RPS6KC1: variants seen among roughly 807,000 people sequenced by gnomAD.
The protein encoded by RPS6KC1 is inactive ribosomal protein S6 kinase delta-1.
Under a neutral mutation model 103.8 loss-of-function variants are expected in RPS6KC1, and 54 were observed. The ratio of observed to expected loss-of-function variants is 0.52; its 90% CI spans 0.42 to 0.65. The LOEUF (loss-of-function observed/expected upper bound fraction) is 0.65, where lower values mean the gene tolerates loss of function less well. Ranked by LOEUF, RPS6KC1 falls within the 30% of genes least tolerant of loss-of-function variation. The pLI is 0.00. For synonymous variants in RPS6KC1, 439 were observed against 438.7 expected, an observed-to-expected ratio of 1.00 and a Z score of -0.01; for missense variants, 1,151 against 1,253.8, an observed-to-expected ratio of 0.92 and a Z score of 1.24.
the RPS6KC1 span, among the ~76,000 whole-genome samples, chr1:213,496,936 G>A: frequency 6.6e-6 from 1 of 152,086 alleles, no homozygotes; most frequent in East Asian, 1.9e-4. Flanking sequence ...ACAAATCAGG[G>A]CTTTTCAATT....
intron 10 of RPS6KC1, among the ~76,000 whole-genome samples, chr1:213,237,137 A>T (rs1365543688): frequency 6.6e-6 from 1 of 152,076 alleles, no homozygotes. Context: ...CCATCTCAAA[A>T]GTGTACCTTG....
chr1:213,284,055 A>G, the RPS6KC1 span, among the ~76,000 whole-genome samples: 1 of 152,232 alleles, frequency 6.6e-6, no homozygotes, highest in Non-Finnish European at 1.5e-5. Context: ...ATGTGTTCAC[A>G]AAACAGAGTA....
the RPS6KC1 span, among the ~76,000 whole-genome samples, chr1:213,446,352 A>G: frequency 1.3e-5 from 2 of 152,158 alleles, no homozygotes; most frequent in Non-Finnish European, 2.9e-5. Flanking sequence ...TGGATGATAC[A>G]TGGGATTTGA....
intron 12 of RPS6KC1, among the ~76,000 whole-genome samples, chr1:213,257,640 A>G (rs2094679769): frequency 6.6e-6 from 1 of 152,142 alleles, no homozygotes; most frequent in Non-Finnish European, 1.5e-5. Flanking sequence ...GGTAGCTGCT[A>G]TTTTATTATT....
the RPS6KC1 span, among the ~76,000 whole-genome samples, chr1:213,358,472 T>G: frequency 7.2e-5 from 11 of 152,362 alleles, no homozygotes; most frequent in African/African-American, 2.6e-4. Context: ...GTGGGATCAG[T>G]GGTGATATCC....
intron 6 of RPS6KC1, among the ~76,000 whole-genome samples, chr1:213,143,967 T>G (rs1013889472): frequency 2.6e-5 from 4 of 152,082 alleles, no homozygotes; most frequent in Admixed American, 2.0e-4. Context: ...GCTCTGACCA[T>G]TCTTTCATAG....
the RPS6KC1 span, among the ~76,000 whole-genome samples, chr1:213,533,996 T>C: frequency 1.3e-5 from 2 of 152,350 alleles, no homozygotes; most frequent in South Asian, 4.1e-4. Flanking sequence ...TTCTATGATT[T>C]GCCCACCTTT....
At chr1:213,801,629 G>A in the RPS6KC1 span, among the ~76,000 whole-genome samples, 1 of 135,794 alleles carries the variant, frequency 7.4e-6, no homozygotes, top group East Asian at 2.4e-4. Context: ...CTTTGGTGGT[G>A]TTCAAAAGAG....
the RPS6KC1 span, among the ~76,000 whole-genome samples, chr1:213,497,095 A>G: frequency 6.6e-6 from 1 of 152,258 alleles, no homozygotes; most frequent in Non-Finnish European, 1.5e-5. Context: ...ATAAATCAGC[A>G]GAGAAAAATA....
At chr1:213,796,873 G>T in the RPS6KC1 span, among the ~76,000 whole-genome samples, 1 of 152,158 alleles carries the variant, frequency 6.6e-6, no homozygotes, top group African/African-American at 2.4e-5. Flanking sequence ...CCCATGCACT[G>T]TATCTTTAAA....
At chr1:213,485,376 A>C in the RPS6KC1 span, among the ~76,000 whole-genome samples, 1 of 151,932 alleles carries the variant, frequency 6.6e-6, no homozygotes. Context: ...CTTGCCCTGC[A>C]TATGCTAAGA....
At chr1:213,444,710 C>G in the RPS6KC1 span, among the ~76,000 whole-genome samples, 1 of 133,670 alleles carries the variant, frequency 7.5e-6, no homozygotes. Flanking sequence ...TGCCATTGCA[C>G]TCCAGCCTGG....
In RPS6KC1 at chr1:213,077,806, A is replaced by G. The variant is rs200039706; in HGVS notation, c.252A>G (p.Gly84=). The G allele has an allele frequency of 1.9e-5, 29 of 1,548,292 alleles. No homozygotes were observed. In the East Asian group the frequency reaches 6.7e-4, roughly 36 times the overall value. The change falls in exon 3 of 15, where the codon GGA becomes GGG. Residue 84 remains glycine, a synonymous_variant. Coordinates refer to ENST00000366960, the MANE Select transcript of RPS6KC1 (RefSeq NM_012424.6). ...AGTTGTTTCCTCCATTTGCTAAAGGAATAGTGTTTGGTAAGTGATTATTTT... is the reference window on the plus strand; with the variant it reads ...AGTTGTTTCCTCCATTTGCTAAAGGGATAGTGTTTGGTAAGTGATTATTTT... The part of the protein sequence containing the change: ...HSELFPPFAK[G]IVFGRFDETV...
the RPS6KC1 span, among the ~76,000 whole-genome samples, chr1:213,368,380 A>G: frequency 0.031 from 4,686 of 152,232 alleles, 255 homozygotes; most frequent in African/African-American, 0.11. Flanking sequence ...GGCTTCTTTT[A>G]CACGAGAGGG....
the RPS6KC1 span, among the ~76,000 whole-genome samples, chr1:213,713,239 T>G: frequency 6.6e-6 from 1 of 152,110 alleles, no homozygotes; most frequent in Non-Finnish European, 1.5e-5. Context: ...TGGCCATTTT[T>G]GATGTATAAA....
At position 213,176,392 on chromosome 1, in the gene RPS6KC1, TC is replaced by T; in HGVS notation, c.952-6del. On this transcript the variant is annotated splice_polypyrimidine_tract_variant and splice_region_variant and intron_variant, in intron 7 of 14. Coordinates refer to ENST00000366960, the MANE Select transcript of RPS6KC1 (RefSeq NM_012424.6). ...GATTGATGTATAATCTTTGATATCT[TC>T]CATTAGCCTCCAGGATCACTAAGTT... is the stretch of plus-strand genomic sequence containing the variant. 1 of 1,585,616 alleles carries T rather than the reference TC, an allele frequency of 6.3e-7. No homozygotes were observed. Among genetic ancestry groups the T allele is most frequent in the Non-Finnish European group, 8.6e-7 (1 of 1,158,836 alleles).
the RPS6KC1 span, among the ~76,000 whole-genome samples, chr1:213,717,639 C>T: frequency 0.018 from 2,791 of 152,232 alleles, 37 homozygotes; most frequent in Non-Finnish European, 0.029. Flanking sequence ...CCATTGAAGG[C>T]TTTAAGAGAG....
rs187235380 is a variant in RPS6KC1, at chr1:213,137,402, C to T, written c.835+7513C>T. On this transcript the variant is annotated intron_variant, in intron 6 of 14. Coordinates refer to ENST00000366960, the MANE Select transcript of RPS6KC1 (RefSeq NM_012424.6). ...AGGCTGGAGTGCAATGGCGCAATCT[C>T]GGCTCACCACAACCTCTGCCTCCCA... Among the ~76,000 whole-genome samples, 857 of 151,886 alleles carry T rather than the reference C, an allele frequency of 5.6e-3. 10 individuals are homozygous for T. The highest frequency in any genetic ancestry group is 0.017 in the African/African-American group (719 of 41,444).
At chr1:213,192,015 A>G (rs909858040) in intron 8 of RPS6KC1, among the ~76,000 whole-genome samples, 2 of 151,814 alleles carry the variant, frequency 1.3e-5, no homozygotes, top group African/African-American at 4.8e-5. Flanking sequence ...CAGCCTCCCA[A>G]AGTGCTGGGA....
Sources: gnomAD v4.1 joint callset for allele counts (sites outside exome capture counted in the v4.1 genomes callset) on GRCh38, gnomAD v4.1.1 for gene constraint, MANE v1.5 for transcripts, NCBI Gene and HGNC (gene_info 2026-07-23, HGNC 2026-07-21) for gene names.